Variants in BCAR3 observed in about 807,000 individuals in gnomAD.
BCAR3 encodes BCAR3 adaptor protein, NSP family member.
BCAR3 carries 37 observed loss-of-function variants against 80.1 expected under a neutral mutation model. The ratio of observed to expected loss-of-function variants is 0.46; its 90% CI spans 0.36 to 0.61. BCAR3 has a LOEUF of 0.61. Ranked by LOEUF, BCAR3 falls within the 20% of genes least tolerant of loss-of-function variation. BCAR3 has a pLI of 0.00. For missense variants in BCAR3, 978 were observed against 1,068.2 expected (o/e 0.92, Z 1.18); for synonymous variants, 389 against 418.9 (o/e 0.93, Z 0.87).
At chr1:93,842,931 C>CA (rs1388698265) in intron 2 of BCAR3, among the ~76,000 whole-genome samples, 1 of 152,138 alleles carries the variant, frequency 6.6e-6, no homozygotes, top group African/African-American at 2.4e-5. Flanking sequence ...TGGCCTGGCT[C>CA]AGTAATCACA....
chr1:93,611,606 T>C (rs1674950531), intron 3 of BCAR3, among the ~76,000 whole-genome samples: 1 of 152,236 alleles, frequency 6.6e-6, no homozygotes, highest in Admixed American at 6.5e-5. Flanking sequence ...AGCACATCCC[T>C]GATCCTTCTC....
chr1:93,685,071 C>T (rs148284605), upstream of BCAR3, among the ~76,000 whole-genome samples: 240 of 152,290 alleles, frequency 1.6e-3, no homozygotes, highest in Middle Eastern at 3.4e-3. Context: ...TCCATCAAAC[C>T]ACAACCACAT....
chr1:93,773,937 AC>A (rs1229801857), intron 2 of BCAR3, among the ~76,000 whole-genome samples: 1 of 152,150 alleles, frequency 6.6e-6, no homozygotes, highest in Non-Finnish European at 1.5e-5. Flanking sequence ...CTCAAGTCCC[AC>A]TAAAATGGTG....
At chr1:93,812,172 G>A (rs1379159588) in intron 2 of BCAR3, among the ~76,000 whole-genome samples, 1 of 152,178 alleles carries the variant, frequency 6.6e-6, no homozygotes, top group African/African-American at 2.4e-5. Flanking sequence ...AAGGCCAAAA[G>A]TCTAATAGAA....
chr1:93,623,318 G>A (rs925546703), intron 3 of BCAR3, among the ~76,000 whole-genome samples: 16 of 152,048 alleles, frequency 1.1e-4, no homozygotes, highest in Non-Finnish European at 1.9e-4. Context: ...GGTATAGATA[G>A]CAGGTGGTGG....
intron 2 of BCAR3, among the ~76,000 whole-genome samples, chr1:93,838,214 G>A (rs1238180864): frequency 6.6e-6 from 1 of 152,230 alleles, no homozygotes; most frequent in Non-Finnish European, 1.5e-5. Flanking sequence ...AGGCTGAGAA[G>A]TTCAAGGGCA....
intron 2 of BCAR3, among the ~76,000 whole-genome samples, chr1:93,736,851 G>A (rs545427069): frequency 2.0e-5 from 3 of 152,344 alleles, no homozygotes; most frequent in African/African-American, 7.2e-5. Flanking sequence ...AGTGCTTTCT[G>A]TGTGCTGGGT....
In BCAR3 at chr1:93,714,107, C is replaced by T. The variant is rs528788496; in HGVS notation, c.-62-7965G>A. 1.7e-4 allele frequency among the ~76,000 whole-genome samples: 26 copies of T among 152,168 alleles called. No homozygotes were observed. The East Asian group carries it at 2.3e-3, about 14-fold the overall frequency. On this transcript the variant is annotated intron_variant, in intron 2 of 13. Coordinates refer to the BCAR3 transcript ENST00000370244. ...ATGCCATTCTCCTGCCTCAGCCTCC[C>T]GAGTAGCTGGGACTACAGGCACCCA...
intron 4 of BCAR3, among the ~76,000 whole-genome samples, chr1:93,591,980 G>A (rs1674222081): frequency 1.3e-5 from 2 of 152,236 alleles, no homozygotes; most frequent in Non-Finnish European, 2.9e-5. Context: ...TCCGGTTACT[G>A]ACTCTGTGGC....
At chr1:93,591,429 T>G (rs1290152678) in intron 4 of BCAR3, among the ~76,000 whole-genome samples, 1 of 152,070 alleles carries the variant, frequency 6.6e-6, no homozygotes, top group Non-Finnish European at 1.5e-5. Flanking sequence ...GAGCTGAGAT[T>G]GTGCTATTGC....
At chr1:93,620,912 C>G (rs1205519476) in intron 3 of BCAR3, among the ~76,000 whole-genome samples, 1 of 152,228 alleles carries the variant, frequency 6.6e-6, no homozygotes, top group East Asian at 1.9e-4. Context: ...CTCCTTCTCT[C>G]AAGTCCCTAA....
At chr1:93,599,327 C>T (rs1031310576) in intron 3 of BCAR3, 1 of 152,206 alleles carries the variant, frequency 6.6e-6, no homozygotes, top group East Asian at 1.9e-4. Context: ...AAAGTGACCT[C>T]TAGCATGCAC....
At chr1:93,640,429 G>A (rs56008549) in intron 3 of BCAR3, among the ~76,000 whole-genome samples, 4,616 of 152,124 alleles carry the variant, frequency 0.03, 79 homozygotes, top group Middle Eastern at 0.054. Flanking sequence ...AAAAAAAAAA[G>A]TGGTGCATTC....
intron 2 of BCAR3, among the ~76,000 whole-genome samples, chr1:93,657,033 T>C (rs1426749301): frequency 6.6e-6 from 1 of 152,140 alleles, no homozygotes. Flanking sequence ...CAAGTTTTCA[T>C]CCAAAAAAGA....
At chr1:93,616,419 G>C (rs770752269) in intron 3 of BCAR3, among the ~76,000 whole-genome samples, 4 of 152,166 alleles carry the variant, frequency 2.6e-5, no homozygotes, top group Admixed American at 6.5e-5. Flanking sequence ...TCACTGACTT[G>C]TTAAGCTTTT....
At chr1:93,651,225 A>G (rs534841259) in intron 2 of BCAR3, among the ~76,000 whole-genome samples, 1 of 152,278 alleles carries the variant, frequency 6.6e-6, no homozygotes, top group African/African-American at 2.4e-5. Context: ...TGGAAGAAGG[A>G]GCAAATATTC....
At chr1:93,837,171 T>C (rs1305155991) in intron 2 of BCAR3, among the ~76,000 whole-genome samples, 1 of 152,178 alleles carries the variant, frequency 6.6e-6, no homozygotes, top group African/African-American at 2.4e-5. Flanking sequence ...GAGCTGAGAC[T>C]GTGCCATTGC....
intron 2 of BCAR3, among the ~76,000 whole-genome samples, chr1:93,764,851 T>C (rs1280569469): frequency 6.6e-6 from 1 of 152,158 alleles, no homozygotes; most frequent in Admixed American, 6.5e-5. Context: ...GCCTCCTAAG[T>C]GGGAGTCTGG....
chr1:93,720,847 G>C (rs181643091), intron 2 of BCAR3, among the ~76,000 whole-genome samples: 3,357 of 152,302 alleles, frequency 0.022, 69 homozygotes, highest in Non-Finnish European at 0.031. Context: ...TTGTGGGGAG[G>C]GGAGAAGAAT....
Sources: gnomAD v4.1 joint callset for allele counts (sites outside exome capture counted in the v4.1 genomes callset) on GRCh38, gnomAD v4.1.1 for gene constraint, MANE v1.5 for transcripts, NCBI Gene and HGNC (gene_info 2026-07-23, HGNC 2026-07-21) for gene names.